CDKN1C: variants seen among roughly 807,000 people sequenced by gnomAD.
CDKN1C encodes the protein cyclin-dependent kinase inhibitor 1C.
A neutral mutation model predicts 16.5 loss-of-function variants in CDKN1C; 7 were observed. The observed-to-expected ratio is 0.42, with a 90% CI of 0.24 to 0.80. CDKN1C has a LOEUF of 0.80. Ranked by LOEUF, CDKN1C falls within the 30% of genes least tolerant of loss-of-function variation. CDKN1C has a pLI of 0.26. For missense variants in CDKN1C, 429 were observed against 437.3 expected, an observed-to-expected ratio of 0.98 and a Z score of 0.17; for synonymous variants, 288 against 214.4, an observed-to-expected ratio of 1.34 and a Z score of -3.00.
rs2133786483 is a variant in CDKN1C at position 2,885,409 on chromosome 11, G to C, written c.48C>G (p.Thr16=). The C allele has an allele frequency of 6.4e-7, 1 of 1,554,710 alleles. No homozygotes were observed. Among genetic ancestry groups the C allele is most frequent in the East Asian group, 2.4e-5 (1 of 41,396 alleles). ...ARGTFPVLVR[T]SACRSLFGPV... ...GCCCGAAGAGGCTGCGGCAGGCGCTGGTGCGCACTAGTACTGGGAAGGTCC... is the reference window on the plus strand; with the variant it reads ...GCCCGAAGAGGCTGCGGCAGGCGCTCGTGCGCACTAGTACTGGGAAGGTCC... The change falls in exon 2 of 4, where the codon ACC becomes ACG. Residue 16 remains threonine (T), a synonymous_variant. Transcript: ENST00000440480.
chr11:2,884,167 C>CGGGGCCGGCCCGGAGACCCGAGAG, intron 2 of CDKN1C, 33 bp from the exon 3 acceptor site: 2 of 1,359,882 alleles, frequency 1.5e-6, no homozygotes, highest in African/African-American at 1.5e-5. Context: ...CCGGTCAGGG[C>CGGGGCCGGCCCGGAGACCCGAGAG]GGGGCCGGCC....
chr11:2,885,471 G>T lies in CDKN1C; in HGVS notation c.-10-5C>A. On this transcript the variant is annotated splice_region_variant and splice_polypyrimidine_tract_variant and intron_variant, in intron 1 of 3. Transcript: ENST00000440480. ...AGACGCTCCATCGTGGATGTGCTGCGGAGGGACGCGTCGGACATGGCCCGG... is the reference window on the plus strand; with the variant it reads ...AGACGCTCCATCGTGGATGTGCTGCTGAGGGACGCGTCGGACATGGCCCGG... 1.3e-6 allele frequency: 2 copies of T among 1,544,700 alleles called. No homozygotes were observed. Among genetic ancestry groups the T allele is most frequent in the African/African-American group, 1.4e-5 (1 of 73,186 alleles).
Position 2,885,487 on chromosome 11 carries a change from CA to C in CDKN1C, c.-10-22del. The C allele has an allele frequency of 6.5e-7, 1 of 1,542,942 alleles. No individual in the cohort carries two copies. Among genetic ancestry groups the C allele is most frequent in the Non-Finnish European group, 8.7e-7 (1 of 1,146,898 alleles). On this transcript the variant is annotated intron_variant, in intron 1 of 3. Coordinates refer to ENST00000440480, the MANE Select transcript of CDKN1C (RefSeq NM_001122630.2). The stretch of plus-strand genomic sequence containing the variant: ...ATGTGCTGCGGAGGGACGCGTCGGA[CA>C]TGGCCCGGGGCTGCGCAAACGCGGG...
At position 2,884,010 on chromosome 11, in the gene CDKN1C, C is replaced by T; in HGVS notation, c.912G>A (p.Leu304=). The part of the protein sequence containing the change: ...GSVEQTPRKR[L]R ...TGCGCTGTACTCACTTGGCTCACCG[C>T]AGCCTCTTGCGCGGGGTCTGCTCCA... The change falls in exon 3 of 4, where the codon CTG becomes CTA. Residue 304 remains leucine (L), a synonymous_variant. Coordinates refer to ENST00000440480, the MANE Select transcript of CDKN1C (RefSeq NM_001122630.2). 2 of 1,558,240 alleles carry T rather than the reference C, an allele frequency of 1.3e-6. No homozygotes were observed. The highest frequency in any genetic ancestry group is 1.7e-6 in the Non-Finnish European group (2 of 1,152,056).
Position 2,884,651 on chromosome 11 carries a change from G to A in CDKN1C, c.787+19C>T, listed in dbSNP as rs752846343. The A allele has an allele frequency of 1.4e-5, 18 of 1,261,192 alleles. No individual in the cohort carries two copies. The highest frequency in any genetic ancestry group is 1.7e-5 in the Non-Finnish European group (17 of 996,122). 78.1% of individuals were successfully genotyped at this position (1,261,192 alleles called of 1,614,324 possible). On this transcript the variant is annotated intron_variant, in intron 2 of 3. Transcript: ENST00000440480. ...AAGCGGGGCCGGGCCGGGCCGGGGC[G>A]GGGCCGTGCGGGGCTCACCGGAGAT...
chr11:2,884,068 G>A lies in CDKN1C; in HGVS notation c.854C>T (p.Pro285Leu). 6.4e-7 allele frequency: 1 copy of A among 1,552,210 alleles called. No individual in the cohort carries two copies. The highest frequency in any genetic ancestry group is 8.7e-7 in the Non-Finnish European group (1 of 1,148,706). Reference sequence around the variant, plus strand: ...CACGCCAGGGGCGGCGCTTGGAGAGGGACACGGCGCGGGGACATCGCCCGA... The same window carrying A: ...CACGCCAGGGGCGGCGCTTGGAGAGAGACACGGCGCGGGGACATCGCCCGA... ...KSSGDVPAPC[P>L]SPSAAPGVGS... The change falls in exon 3 of 4, where the codon CCC becomes CTC. Residue 285 changes from proline (P) to leucine (L), a missense_variant. By Grantham distance (98) the Pro-to-Leu change is moderately conservative. Coordinates refer to ENST00000440480, the MANE Select transcript of CDKN1C (RefSeq NM_001122630.2).
Position 2,884,059 on chromosome 11 carries a change from C to G in CDKN1C, c.863G>C (p.Ser288Thr). 1 of 1,554,108 alleles carries G rather than the reference C, an allele frequency of 6.4e-7. No homozygotes were observed. The highest frequency in any genetic ancestry group is 1.4e-5 in the African/African-American group (1 of 73,168). The change falls in exon 3 of 4, where the codon AGC (serine) becomes ACC (threonine). Residue 288 changes from serine (S) to threonine (T), a missense_variant. Coordinates refer to ENST00000440480, the MANE Select transcript of CDKN1C (RefSeq NM_001122630.2). ...CACCGAGCCCACGCCAGGGGCGGCG[C>G]TTGGAGAGGGACACGGCGCGGGGAC... ...GDVPAPCPSP[S>T]AAPGVGSVEQ...
Position 2,884,820 on chromosome 11 carries a change from C to T in CDKN1C, c.637G>A (p.Ala213Thr), listed in dbSNP as rs528634940. ...PAPDAAPQES[A>T]EQGANQGQRG... Reference sequence around the variant, plus strand: ...TGCCCCTGGTTCGCGCCCTGCTCGGCGCTCTCTTGAGGCGCCGCGTCCGGG... The same window carrying T: ...TGCCCCTGGTTCGCGCCCTGCTCGGTGCTCTCTTGAGGCGCCGCGTCCGGG... Residue 213 changes from alanine to threonine, a missense_variant, in exon 2 of 4, where the codon GCC (alanine) becomes ACC (threonine). Coordinates refer to ENST00000440480, the MANE Select transcript of CDKN1C (RefSeq NM_001122630.2). 80 of 1,376,640 alleles carry T rather than the reference C, an allele frequency of 5.8e-5. No individual in the cohort carries two copies. The East Asian group carries it at 2.3e-3, about 40-fold the overall frequency. The allele number at this position is 1,376,640 out of a possible 1,614,324, so 85.3% of individuals were successfully genotyped here.
intron 2 of CDKN1C, 26 bp downstream of exon 2, chr11:2,884,644 C>G (rs1848913327): frequency 3.3e-6 from 4 of 1,206,298 alleles, no homozygotes; most frequent in Admixed American, 4.4e-5. Flanking sequence ...CCGGGCCGGG[C>G]CGGGGCGGGG....
rs1420666038 is a variant in CDKN1C at position 2,885,461 on chromosome 11, G to A, written c.-5C>T. The A allele has an allele frequency of 3.2e-6, 5 of 1,545,658 alleles. No individual in the cohort carries two copies. Among genetic ancestry groups the A allele is most frequent in the Non-Finnish European group, 4.4e-6 (5 of 1,147,452 alleles). On this transcript the variant is annotated 5_prime_UTR_variant, in exon 2 of 4. Transcript: ENST00000440480. ...ACGGGCGACAAGACGCTCCATCGTG[G>A]ATGTGCTGCGGAGGGACGCGTCGGA...
chr11:2,884,029 T>C lies in CDKN1C; in HGVS notation c.893A>G (p.Gln298Arg). 6.4e-6 allele frequency: 10 copies of C among 1,557,972 alleles called. No homozygotes were observed. The highest frequency in any genetic ancestry group is 7.8e-6 in the Non-Finnish European group (9 of 1,151,742). Reference protein sequence around the residue: ...SAAPGVGSVEQTPRKRLR With the variant: ...SAAPGVGSVERTPRKRLR The stretch of plus-strand genomic sequence containing the variant: ...TCACCGCAGCCTCTTGCGCGGGGTC[T>C]GCTCCACCGAGCCCACGCCAGGGGC... Residue 298 changes from glutamine (Q) to arginine (R), a missense_variant, in exon 3 of 4, where the codon CAG (glutamine) becomes CGG (arginine). Gln to Arg is a conservative substitution (Grantham distance 43, BLOSUM62 1). Coordinates refer to ENST00000440480, the MANE Select transcript of CDKN1C (RefSeq NM_001122630.2).
Position 2,884,680 on chromosome 11 carries a change from A to C in CDKN1C, c.777T>G (p.Pro259=), listed in dbSNP as rs1395099180. ...CCGTGCGGGGCTCACCGGAGATCAG[A>C]GGCCCGGACAGCTTCTTGATCGCCG... The part of the protein sequence containing the change: ...NGAAIKKLSG[P]LISDFFAKRK... Residue 259 remains proline (P), a synonymous_variant, in exon 2 of 4, where the codon CCT becomes CCG. Transcript: ENST00000440480. The C allele has an allele frequency of 7.0e-7, 1 of 1,420,132 alleles. No homozygotes were observed. Among genetic ancestry groups the C allele is most frequent in the Non-Finnish European group, 9.2e-7 (1 of 1,086,126 alleles). 88.0% of individuals were successfully genotyped at this position (1,420,132 alleles called of 1,614,324 possible). A position where few individuals can be genotyped will look rare whatever the true frequency, so the allele number is the denominator to read the frequency against.
In CDKN1C at chr11:2,885,752, G is replaced by A. The variant is rs1260479701; in HGVS notation, c.-129C>T. 3.5e-6 allele frequency: 2 copies of A among 577,374 alleles called. No homozygotes were observed. Among genetic ancestry groups the A allele is most frequent in the Non-Finnish European group, 6.2e-6 (2 of 324,218 alleles). 35.8% of individuals were successfully genotyped at this position (577,374 alleles called of 1,614,324 possible). A position where few individuals can be genotyped will look rare whatever the true frequency, so the allele number is the denominator to read the frequency against. On this transcript the variant is annotated 5_prime_UTR_variant, in exon 1 of 4. Coordinates refer to ENST00000440480, the MANE Select transcript of CDKN1C (RefSeq NM_001122630.2). ...CGCTCAGGCCTGGCCGGCACCCCTCGAGCACAGCGCACTTGGCCTGTGGAA... is the reference window on the plus strand; with the variant it reads ...CGCTCAGGCCTGGCCGGCACCCCTCAAGCACAGCGCACTTGGCCTGTGGAA...
chr11:2,885,674 T>A lies in CDKN1C; in HGVS notation c.-51A>T. 1.4e-6 allele frequency: 1 copy of A among 712,140 alleles called. No individual in the cohort carries two copies. The highest frequency in any genetic ancestry group is 1.8e-5 in the African/African-American group (1 of 56,108). 44.1% of individuals were successfully genotyped at this position (712,140 alleles called of 1,614,324 possible). On this transcript the variant is annotated 5_prime_UTR_variant, in exon 1 of 4. Coordinates refer to ENST00000440480, the MANE Select transcript of CDKN1C (RefSeq NM_001122630.2). ...TGGACTCTTCTGCGTCGGGTTCGCC[T>A]GTCTCGTCCGGACGGCAGCCGCGCC... is the stretch of plus-strand genomic sequence containing the variant.
At position 2,884,782 on chromosome 11, in the gene CDKN1C, C is replaced by T. The variant is rs3741341; in HGVS notation, c.675G>A (p.Glu225=). 1.4e-3 allele frequency: 2,075 copies of T among 1,496,048 alleles called. 14 individuals are homozygous for T. The East Asian group carries it at 0.026, about 19-fold the overall frequency. The allele number at this position is 1,496,048 out of a possible 1,614,324, so 92.7% of individuals were successfully genotyped here. The change falls in exon 2 of 4, where the codon GAG becomes GAA. Residue 225 remains glutamate (E), a synonymous_variant. Coordinates refer to ENST00000440480, the MANE Select transcript of CDKN1C (RefSeq NM_001122630.2). Reference sequence around the variant, plus strand: ...CCGAGTGCAGCTGGTCAGCGAGAGGCTCCTGGCCGCGCTGCCCCTGGTTCG... The same window carrying T: ...CCGAGTGCAGCTGGTCAGCGAGAGGTTCCTGGCCGCGCTGCCCCTGGTTCG... The part of the protein sequence containing the change: ...QGANQGQRGQ[E]PLADQLHSGI...
At position 2,883,982 on chromosome 11, in the gene CDKN1C, A is replaced by G. The variant is rs776594994; in HGVS notation, c.*5+17T>C. 4 of 1,544,264 alleles carry G rather than the reference A, an allele frequency of 2.6e-6. No homozygotes were observed. The East Asian group carries it at 7.3e-5, about 28-fold the overall frequency. ...GCGGGTCGGCCCTCCGCGCCCCCCC[A>G]GGTGCGCTGTACTCACTTGGCTCAC... On this transcript the variant is annotated intron_variant, in intron 3 of 3. Transcript: ENST00000440480.
Position 2,883,981 on chromosome 11 carries a change from C to CT in CDKN1C, c.*5+17_*5+18insA, listed in dbSNP as rs1564928498. Reference sequence around the variant, plus strand: ...GGCGGGTCGGCCCTCCGCGCCCCCCCAGGTGCGCTGTACTCACTTGGCTCA... The same window carrying CT: ...GGCGGGTCGGCCCTCCGCGCCCCCCCTAGGTGCGCTGTACTCACTTGGCTCA... On this transcript the variant is annotated intron_variant, in intron 3 of 3. Coordinates refer to ENST00000440480, the MANE Select transcript of CDKN1C (RefSeq NM_001122630.2). 11 of 1,562,450 alleles carry CT rather than the reference C, an allele frequency of 7.0e-6. No homozygotes were observed. The highest frequency in any genetic ancestry group is 8.7e-6 in the Non-Finnish European group (10 of 1,154,314).
Position 2,883,558 on chromosome 11 carries a change from A to T in CDKN1C, c.*363T>A. 1 of 405,878 alleles carries T rather than the reference A, an allele frequency of 2.5e-6. No homozygotes were observed. Among genetic ancestry groups the T allele is most frequent in the Non-Finnish European group, 4.2e-6 (1 of 236,292 alleles). 25.1% of individuals were successfully genotyped at this position (405,878 alleles called of 1,614,324 possible). On this transcript the variant is annotated 3_prime_UTR_variant, in exon 4 of 4. Transcript: ENST00000440480. ...CGCCTGGACATAAATAGAAAATATA[A>T]GTTAGTATAACTTTAAAAACTTTTT...
chr11:2,885,095 G>A lies in CDKN1C; in HGVS notation c.362C>T (p.Ala121Val), dbSNP rs1364155293. The A allele has an allele frequency of 2.0e-5, 28 of 1,417,908 alleles. No homozygotes were observed. The highest frequency in any genetic ancestry group is 2.5e-5 in the Non-Finnish European group (27 of 1,097,948). 87.8% of individuals were successfully genotyped at this position (1,417,908 alleles called of 1,614,324 possible). The change falls in exon 2 of 4, where the codon GCG becomes GTG. Residue 121 changes from alanine (A) to valine (V), a missense_variant. By Grantham distance (64) the Ala-to-Val change is moderately conservative. Transcript: ENST00000440480. ...AAESLDGLEE[A>V]PEQLPSVPVP... ...CGGGACACTAGGCAGCTGCTCCGGCGCCTCCTCGAGGCCGTCGAGGGACTC... is the reference window on the plus strand; with the variant it reads ...CGGGACACTAGGCAGCTGCTCCGGCACCTCCTCGAGGCCGTCGAGGGACTC...
Sources: gnomAD v4.1 joint callset for allele counts on GRCh38, gnomAD v4.1.1 for gene constraint, MANE v1.5 for transcripts, NCBI Gene and HGNC (gene_info 2026-07-23, HGNC 2026-07-21) for gene names.